The following CACNA1A variants were observed in gnomAD, a reference collection of about 807,000 sequenced individuals.
The protein encoded by CACNA1A is voltage-dependent P/Q-type calcium channel subunit alpha-1A.
A neutral mutation model predicts 262.4 loss-of-function variants in CACNA1A; 57 were observed. That is an observed-to-expected ratio of 0.22 (90% CI 0.18 to 0.27). The LOEUF is 0.27. Ranked by LOEUF, CACNA1A falls within the 10% of genes least tolerant of loss-of-function variation. The pLI, the probability that CACNA1A is intolerant of heterozygous loss-of-function variation, is 1.00. For missense variants in CACNA1A, 2,526 were observed against 3,562.8 expected (o/e 0.71, Z 7.41); for synonymous variants, 1,431 against 1,419.3 (o/e 1.01, Z -0.18).
intron 3 of CACNA1A, chr19:13,450,721 A>G (rs1393651870): frequency 6.6e-6 from 1 of 152,252 alleles, no homozygotes; most frequent in African/African-American, 2.4e-5. Context: ...GGATCTTGCT[A>G]GGTTACCCAA....
chr19:13,298,449 TA>T, intron 19 of CACNA1A, 94 bp downstream of exon 19: 1 of 1,194,974 alleles, frequency 8.4e-7, no homozygotes, highest in East Asian at 3.1e-5. Context: ...TTTTATAATA[TA>T]TTTTTATAAA....
intron 6 of CACNA1A, among the ~76,000 whole-genome samples, chr19:13,348,514 C>T (rs1262034100): frequency 6.6e-6 from 1 of 151,862 alleles, no homozygotes; most frequent in Non-Finnish European, 1.5e-5. Flanking sequence ...ACCAGCCCGG[C>T]CAACATGTTG....
intron 6 of CACNA1A, among the ~76,000 whole-genome samples, chr19:13,348,553 A>C (rs560762570): frequency 2.6e-5 from 4 of 152,202 alleles, no homozygotes; most frequent in African/African-American, 9.6e-5. Flanking sequence ...AAATACAAAA[A>C]ATTGGCAGGC....
chr19:13,209,341 G>C lies in CACNA1A; in HGVS notation c.6497C>G (p.Ser2166Cys). ...RDRSHRASER[S>C]LGRYTDVDTG... is the part of the protein sequence containing the mutation. ...GTCCACATCGGTGTAGCGGCCCAGG[G>C]AGCGCTCAGAGGCGCGGTGGCTGCG... The change falls in exon 45 of 47, where the codon TCC becomes TGC. Residue 2166 changes from serine (S) to cysteine (C), a missense_variant. Coordinates refer to ENST00000360228, the MANE Select transcript of CACNA1A (RefSeq NM_001127222.2). 1 of 1,393,722 alleles carries C rather than the reference G, an allele frequency of 7.2e-7. No homozygotes were observed. The highest frequency in any genetic ancestry group is 9.3e-7 in the Non-Finnish European group (1 of 1,069,640). The allele number at this position is 1,393,722 out of a possible 1,614,324, so 86.3% of individuals were successfully genotyped here. A position where few individuals can be genotyped will look rare whatever the true frequency, so the allele number is the denominator to read the frequency against.
rs994454290 is a variant in CACNA1A, at chr19:13,207,204, CCTCTCCCGGGCCCT to C, written c.*95_*108del. The C allele has an allele frequency of 9.0e-6, 11 of 1,223,146 alleles. No homozygotes were observed. The highest frequency in any genetic ancestry group is 1.2e-5 in the Non-Finnish European group (11 of 933,436). The allele number at this position is 1,223,146 out of a possible 1,614,324, so 75.8% of individuals were successfully genotyped here. A position where few individuals can be genotyped will look rare whatever the true frequency, so the allele number is the denominator to read the frequency against. On this transcript the variant is annotated 3_prime_UTR_variant, in exon 47 of 47. Transcript: ENST00000360228. The surrounding 1 kb of genome is among the most constrained non-coding windows in gnomAD (Gnocchi z 5.7). ...CAGAGTCTGGGGTCTCCCGGCTGGC[CCTCTCCCGGGCCCT>C]CTGTGCTGGGCCCCCGCGGCCTCTG...
chr19:13,356,331 C>T (rs544100240), intron 6 of CACNA1A, among the ~76,000 whole-genome samples: 76 of 152,290 alleles, frequency 5.0e-4, no homozygotes, highest in African/African-American at 1.8e-3. Flanking sequence ...CTATGCTTCT[C>T]TTCGTTTTGC....
chr19:13,332,977 C>T, intron 8 of CACNA1A, 52 bp from the exon 9 acceptor site: 1 of 1,430,460 alleles, frequency 7.0e-7, no homozygotes, highest in Non-Finnish European at 9.8e-7. Context: ...GATGAGTTCT[C>T]CCTTGGACCA....
chr19:13,482,714 G>T (rs1979480605), intron 1 of CACNA1A, among the ~76,000 whole-genome samples: 1 of 152,086 alleles, frequency 6.6e-6, no homozygotes, highest in South Asian at 2.1e-4. Context: ...GTCACATGGG[G>T]GGCTGACCTG....
intron 30 of CACNA1A, among the ~76,000 whole-genome samples, chr19:13,248,986 A>G (rs1210809235): frequency 6.6e-6 from 1 of 152,014 alleles, no homozygotes; most frequent in Non-Finnish European, 1.5e-5. Flanking sequence ...TTTGATTTTT[A>G]GAGTCCGGGT....
At chr19:13,288,385 G>A (rs913677141) in intron 19 of CACNA1A, among the ~76,000 whole-genome samples, 13 of 151,728 alleles carry the variant, frequency 8.6e-5, no homozygotes, top group East Asian at 1.9e-4. Flanking sequence ...GATTACCAGC[G>A]TGCACCACAA....
intron 38 of CACNA1A, among the ~76,000 whole-genome samples, chr19:13,216,335 TTTATTATTGTTA>T (rs1342457932): frequency 6.6e-6 from 1 of 152,062 alleles, no homozygotes; most frequent in Admixed American, 6.6e-5. Context: ...TATTATTATT[TTTATTATTGTTA>T]TTATTTTTGA....
chr19:13,341,562 G>A (rs1272066032), intron 6 of CACNA1A, among the ~76,000 whole-genome samples: 1 of 152,076 alleles, frequency 6.6e-6, no homozygotes, highest in Non-Finnish European at 1.5e-5. Flanking sequence ...CTTCCTTGCA[G>A]TTTCTCAACC....
chr19:13,340,757 T>C (rs1047134880), intron 6 of CACNA1A, among the ~76,000 whole-genome samples: 12 of 152,046 alleles, frequency 7.9e-5, no homozygotes, highest in African/African-American at 1.4e-4. Flanking sequence ...CACAGTTCTG[T>C]TGTGGGTTGC....
intron 3 of CACNA1A, among the ~76,000 whole-genome samples, chr19:13,391,726 T>C (rs1315995073): frequency 1.3e-5 from 2 of 151,408 alleles, no homozygotes; most frequent in African/African-American, 4.9e-5. Flanking sequence ...GTGAGACCTG[T>C]CTTTACCAAA....
chr19:13,269,756 G>C (rs890188074), intron 24 of CACNA1A, among the ~76,000 whole-genome samples: 21 of 152,202 alleles, frequency 1.4e-4, no homozygotes, highest in African/African-American at 5.1e-4. Flanking sequence ...GGATACAAGG[G>C]ACACAGTCAG....
chr19:13,478,903 G>A (rs1166877583), intron 1 of CACNA1A, among the ~76,000 whole-genome samples: 1 of 152,208 alleles, frequency 6.6e-6, no homozygotes, highest in Non-Finnish European at 1.5e-5. Context: ...AAGATCAGGT[G>A]TGGTGGCTCA....
intron 6 of CACNA1A, among the ~76,000 whole-genome samples, chr19:13,353,660 G>C (rs1343630953): frequency 6.6e-6 from 1 of 152,200 alleles, no homozygotes; most frequent in African/African-American, 2.4e-5. Flanking sequence ...GATTAGTTGA[G>C]CTTAGATTTC....
chr19:13,338,258 C>T (rs1163753970), intron 6 of CACNA1A, among the ~76,000 whole-genome samples: 1 of 152,034 alleles, frequency 6.6e-6, no homozygotes, highest in Non-Finnish European at 1.5e-5. Context: ...AGTAAAAATA[C>T]TGTATGATAA....
intron 6 of CACNA1A, among the ~76,000 whole-genome samples, chr19:13,358,881 G>A (rs1427251773): frequency 1.3e-5 from 2 of 152,348 alleles, no homozygotes; most frequent in Non-Finnish European, 1.5e-5. Flanking sequence ...GGGTCAAGGT[G>A]TGGGGAGAGC....
Sources: allele counts gnomAD v4.1 joint callset (sites outside exome capture counted in the v4.1 genomes callset), GRCh38; gene constraint gnomAD v4.1.1; non-coding constraint Gnocchi (gnomAD v3.1); transcripts MANE v1.5; gene names NCBI Gene and HGNC (gene_info 2026-07-23, HGNC 2026-07-21).